EPHB6: variants seen among roughly 807,000 people sequenced by gnomAD.
EPHB6 encodes the protein ephrin type-B receptor 6.
A neutral mutation model predicts 107.0 loss-of-function variants in EPHB6; 51 were observed. The ratio of observed to expected loss-of-function variants is 0.48; its 90% confidence interval spans 0.38 to 0.60. EPHB6 has a LOEUF of 0.60. Ranked by LOEUF, EPHB6 falls within the 20% of genes least tolerant of loss-of-function variation. The pLI, the probability that EPHB6 is intolerant of heterozygous loss-of-function variation, is 0.00. For synonymous variants in EPHB6, 553 were observed against 549.0 expected (o/e 1.01, Z -0.10); for missense variants, 1,141 against 1,355.5 (o/e 0.84, Z 2.48).
chr7:142,865,150 G>A (rs547981137), intron 7 of EPHB6, among the ~76,000 whole-genome samples: 41 of 152,306 alleles, frequency 2.7e-4, no homozygotes, highest in Non-Finnish European at 4.7e-4. Context: ...GCAGTGGATG[G>A]CAGCTAGGGA....
rs1802938388 is a variant in EPHB6 at position 142,863,310 on chromosome 7, C to T, written c.83C>T (p.Ser28Leu). 6.2e-7 allele frequency: 1 copy of T among 1,613,650 alleles called. No homozygotes were observed. Among genetic ancestry groups the T allele is most frequent in the African/African-American group, 1.3e-5 (1 of 74,794 alleles). The change falls in exon 5 of 20, where the codon TCA becomes TTA. Residue 28 changes from serine to leucine, a missense_variant. Transcript: ENST00000652003. ...CTATGGGTGCTGCTCCTGGTGTCTT[C>T]AGTTCTGGCTCTGGAAGGTAAGAGG... ...CSLWVLLLVS[S>L]VLALEEVLLD...
At position 142,855,511 on chromosome 7, in the gene EPHB6, T is replaced by G. The variant is rs915128426; in HGVS notation, c.-432+126T>G. On this transcript the variant is annotated intron_variant, in intron 1 of 19. Coordinates refer to ENST00000652003, the MANE Select transcript of EPHB6 (RefSeq NM_004445.6). This position sits in a 1 kb window ranked among gnomAD's most constrained non-coding sequence, Gnocchi z 4.2. ...CCTAGGTGGCTTCCTGAGGGAGTACTGAGGATCCTTCCTCAAGGCCAGAGT... is the reference window on the plus strand; with the variant it reads ...CCTAGGTGGCTTCCTGAGGGAGTACGGAGGATCCTTCCTCAAGGCCAGAGT... 4 of 152,384 alleles carry G rather than the reference T, an allele frequency of 2.6e-5. No homozygotes were observed. The highest frequency in any genetic ancestry group is 2.4e-5 in the African/African-American group (1 of 41,444). The allele number at this position is 152,384 out of a possible 1,614,324, so 9.4% of individuals were successfully genotyped here.
intron 1 of EPHB6, among the ~76,000 whole-genome samples, chr7:142,859,138 C>T (rs1213260097): frequency 2.6e-5 from 1 of 38,452 alleles, no homozygotes; most frequent in African/African-American, 3.7e-5. Flanking sequence ...TTTCTAAATA[C>T]TGACCAGTTC....
chr7:142,866,075 G>A lies in EPHB6; in HGVS notation c.1221G>A (p.Val407=), dbSNP rs1186563081. The A allele has an allele frequency of 1.2e-6, 2 of 1,611,516 alleles. No individual in the cohort carries two copies. Among genetic ancestry groups the A allele is most frequent in the South Asian group, 1.1e-5 (1 of 90,704 alleles). Residue 407 remains valine, a synonymous_variant, in exon 9 of 20, where the codon GTG becomes GTA. Transcript: ENST00000652003. This position sits in a 1 kb window ranked among gnomAD's most constrained non-coding sequence, Gnocchi z 5.2. The stretch of plus-strand genomic sequence containing the variant: ...GAGGGGACCTGCTCTTCAATGTCGT[G>A]TGCAAGGAGTGTGAAGGCCGCCAGG... ...GGRGDLLFNV[V]CKECEGRQEP... is the part of the protein sequence containing the mutation.
rs774101812 is a variant in EPHB6 at position 142,864,368 on chromosome 7, C to A, written c.568C>A (p.Arg190=). 2 of 1,613,248 alleles carry A rather than the reference C, an allele frequency of 1.2e-6. No individual in the cohort carries two copies. The highest frequency in any genetic ancestry group is 1.1e-5 in the South Asian group (1 of 91,082). The change falls in exon 7 of 20, where the codon CGG becomes AGG. Residue 190 remains arginine (R), a synonymous_variant. Coordinates refer to ENST00000652003, the MANE Select transcript of EPHB6 (RefSeq NM_004445.6). ...WAVGPHGAGQ[R]AGLQLNVKER... The stretch of plus-strand genomic sequence containing the variant: ...TGTGGGACCCCACGGGGCTGGGCAG[C>A]GGGCTGGACTGCAACTGAACGTCAA...
Position 142,867,843 on chromosome 7 carries a change from G to A in EPHB6, c.1865+121G>A. 1 of 1,431,588 alleles carries A rather than the reference G, an allele frequency of 7.0e-7. No individual in the cohort carries two copies. 88.7% of individuals were successfully genotyped at this position (1,431,588 alleles called of 1,614,324 possible). ...ACACTGGTGCTCCTCCCGTCAGCCA[G>A]CCCCTGCCCTGGGCCCCACGTGGAG... On this transcript the variant is annotated intron_variant, in intron 12 of 19. Transcript: ENST00000652003. This position sits in a 1 kb window ranked among gnomAD's most constrained non-coding sequence, Gnocchi z 5.3.
chr7:142,870,464 AG>A, intron 18 of EPHB6, 57 bp downstream of exon 18: 2 of 1,613,906 alleles, frequency 1.2e-6, no homozygotes, highest in Non-Finnish European at 1.7e-6. Flanking sequence ...GCAAACCTAA[AG>A]AAAACTGAGG....
In EPHB6 at chr7:142,858,689, G is replaced by A. The variant is rs575643379; in HGVS notation, c.-431-2363G>A. ...TCTCGATCTCCTGATCTTGTGATCC[G>A]CCCACCTTGGCCTCCCAAAGTGAAA... On this transcript the variant is annotated intron_variant, in intron 1 of 19. Coordinates refer to ENST00000652003, the MANE Select transcript of EPHB6 (RefSeq NM_004445.6). 1.1e-4 allele frequency among the ~76,000 whole-genome samples: 17 copies of A among 148,884 alleles called. No homozygotes were observed. The South Asian group carries it at 2.5e-3, about 22-fold the overall frequency.
In EPHB6 at chr7:142,867,370, C is replaced by CTG. The variant is rs1268968689; in HGVS notation, c.1751-231_1751-230dup. ...GGGCGTGTGTGTGTGTTGTGTGTCC[C>CTG]TGTGTGTGGATGTGGAGGGCTGTGG... is the stretch of plus-strand genomic sequence containing the variant. On this transcript the variant is annotated intron_variant, in intron 11 of 19. Transcript: ENST00000652003. The surrounding 1 kb of genome is among the most constrained non-coding windows in gnomAD (Gnocchi z 5.3). 3.1e-6 allele frequency: 2 copies of CTG among 635,236 alleles called. No homozygotes were observed. The highest frequency in any genetic ancestry group is 2.2e-5 in the Admixed American group (1 of 45,032). The allele number at this position is 635,236 out of a possible 1,614,324, so 39.3% of individuals were successfully genotyped here.
At position 142,870,320 on chromosome 7, in the gene EPHB6, G is replaced by A. The variant is rs767616207; in HGVS notation, c.2717G>A (p.Arg906Gln). 6 of 1,614,198 alleles carry A rather than the reference G, an allele frequency of 3.7e-6. No individual in the cohort carries two copies. The highest frequency in any genetic ancestry group is 5.1e-6 in the Non-Finnish European group (6 of 1,180,042). The change falls in exon 18 of 20, where the codon CGG (arginine) becomes CAG (glutamine). Residue 906 changes from arginine to glutamine, a missense_variant. Arg to Gln is a conservative substitution (Grantham distance 43). Coordinates refer to ENST00000652003, the MANE Select transcript of EPHB6 (RefSeq NM_004445.6). ...LDTWQKDRAR[R>Q]PHFDQLVAAF... The stretch of plus-strand genomic sequence containing the variant: ...ACTTGGCAGAAGGACCGTGCCCGGC[G>A]GCCTCATTTTGACCAGCTGGTGGCT...
In EPHB6 at chr7:142,864,642, G is replaced by GC. The variant is rs145544148; in HGVS notation, c.849dup (p.Arg284GlnfsTer41). The stretch of plus-strand genomic sequence containing the variant: ...GGAGTAGGGGGCCAGGCAGGAGGCA[G>GC]CCCCCCCAGGCTGCACTGCAACGGG... On this transcript the variant is annotated frameshift_variant, in exon 7 of 20. Coordinates refer to ENST00000652003, the MANE Select transcript of EPHB6 (RefSeq NM_004445.6). LOFTEE classifies it high-confidence loss of function. 10 of 1,612,220 alleles carry GC rather than the reference G, an allele frequency of 6.2e-6. No homozygotes were observed. Among genetic ancestry groups the GC allele is most frequent in the African/African-American group, 1.3e-5 (1 of 75,006 alleles).
In EPHB6 at chr7:142,866,262, C is replaced by T. The variant is rs748375338; in HGVS notation, c.1408C>T (p.Leu470Phe). The change falls in exon 9 of 20, where the codon CTC becomes TTC. Residue 470 changes from leucine to phenylalanine, a missense_variant. Coordinates refer to ENST00000652003, the MANE Select transcript of EPHB6 (RefSeq NM_004445.6). The surrounding 1 kb of genome is among the most constrained non-coding windows in gnomAD (Gnocchi z 5.2). ...EVQAVNGVSE[L>F]SPDPPQAAAI... Reference sequence around the variant, plus strand: ...GCAGGCTGTTAATGGGGTGTCTGAGCTCAGCCCTGACCCTCCTCAGGCTGC... The same window carrying T: ...GCAGGCTGTTAATGGGGTGTCTGAGTTCAGCCCTGACCCTCCTCAGGCTGC... The T allele has an allele frequency of 1.3e-5, 21 of 1,613,950 alleles. No individual in the cohort carries two copies. In the East Asian group the frequency reaches 4.5e-4, roughly 34 times the overall value.
rs754149798 is a variant in EPHB6, at chr7:142,869,792, A to G, written c.2461-25A>G. 6.2e-7 allele frequency: 1 copy of G among 1,613,828 alleles called. No individual in the cohort carries two copies. Among genetic ancestry groups the G allele is most frequent in the South Asian group, 1.1e-5 (1 of 90,988 alleles). On this transcript the variant is annotated intron_variant, in intron 16 of 19. Coordinates refer to ENST00000652003, the MANE Select transcript of EPHB6 (RefSeq NM_004445.6). The surrounding 1 kb of genome is among the most constrained non-coding windows in gnomAD (Gnocchi z 4.5). The stretch of plus-strand genomic sequence containing the variant: ...CGTGACTATTACTATGATTATTACT[A>G]TTTGCTTTTGACTTTACCCCTCAGG...
Position 142,864,578 on chromosome 7 carries a change from G to A in EPHB6, c.778G>A (p.Val260Met), listed in dbSNP as rs1232997179. Reference sequence around the variant, plus strand: ...TGGGGGGGCCTCCCTGGTGGCAGCTGTGGGCACCTGTGTGGCTCATGCAGA... The same window carrying A: ...TGGGGGGGCCTCCCTGGTGGCAGCTATGGGCACCTGTGTGGCTCATGCAGA... ...GAGGASLVAA[V>M]GTCVAHAEPE... Residue 260 changes from valine to methionine, a missense_variant, in exon 7 of 20, where the codon GTG becomes ATG. Physicochemically the swap from Val to Met is conservative, Grantham distance 21 (BLOSUM62 1). Transcript: ENST00000652003. 1.2e-6 allele frequency: 2 copies of A among 1,612,936 alleles called. No individual in the cohort carries two copies.
rs1256456670 is a variant in EPHB6 at position 142,870,397 on chromosome 7, C to T, written c.2794C>T (p.Pro932Ser). The T allele has an allele frequency of 6.2e-7, 1 of 1,613,948 alleles. No individual in the cohort carries two copies. The highest frequency in any genetic ancestry group is 8.5e-7 in the Non-Finnish European group (1 of 1,180,038). Residue 932 changes from proline to serine, a missense_variant, in exon 18 of 20, where the codon CCA becomes TCA. Pro to Ser is a moderately conservative substitution (Grantham distance 74). Coordinates refer to ENST00000652003, the MANE Select transcript of EPHB6 (RefSeq NM_004445.6). ...AGATACCCTGCAGGCTGGCGGGGAC[C>T]CAGGGGAAAGGTCTGGAGCTTGGGG... The part of the protein sequence containing the change: ...KPDTLQAGGD[P>S]GERPSQALLT...
At position 142,870,511 on chromosome 7, in the gene EPHB6, C is replaced by A. The variant is rs375245502; in HGVS notation, c.2805-19C>A. On this transcript the variant is annotated intron_variant, in intron 18 of 19. Transcript: ENST00000652003. ...AGATGAAGAGGAGACCTTGACCCTG[C>A]TTGCCCCTCCCCTCTTAGGCCTTCC... is the stretch of plus-strand genomic sequence containing the variant. The A allele has an allele frequency of 1.5e-4, 247 of 1,614,018 alleles. No homozygotes were observed. The highest frequency in any genetic ancestry group is 2.0e-4 in the Non-Finnish European group (235 of 1,180,054).
Position 142,863,296 on chromosome 7 carries a change from G to A in EPHB6, c.69G>A (p.Leu23=), listed in dbSNP as rs761009856. 6 of 1,613,958 alleles carry A rather than the reference G, an allele frequency of 3.7e-6. No individual in the cohort carries two copies. The Admixed American group carries it at 5.0e-5, about 13-fold the overall frequency. ...VAGMVCSLWV[L]LLVSSVLALE... The stretch of plus-strand genomic sequence containing the variant: ...GCATGGTGTGTAGCCTATGGGTGCT[G>A]CTCCTGGTGTCTTCAGTTCTGGCTC... Residue 23 remains leucine, a synonymous_variant, in exon 5 of 20, where the codon CTG becomes CTA. Transcript: ENST00000652003.
At chr7:142,865,668 T>C (rs1803118808) in intron 8 of EPHB6, 38 bp downstream of exon 8, 4 of 1,608,458 alleles carry the variant, frequency 2.5e-6, no homozygotes, top group Non-Finnish European at 3.4e-6. Flanking sequence ...GGAAAGAGAC[T>C]TGGAGAGGGG....
chr7:142,869,154 G>A lies in EPHB6; in HGVS notation c.2460+7G>A. 6.2e-7 allele frequency: 1 copy of A among 1,611,746 alleles called. No individual in the cohort carries two copies. The highest frequency in any genetic ancestry group is 8.5e-7 in the Non-Finnish European group (1 of 1,179,088). On this transcript the variant is annotated splice_region_variant and intron_variant, in intron 16 of 19. Transcript: ENST00000652003. This position sits in a 1 kb window ranked among gnomAD's most constrained non-coding sequence, Gnocchi z 4.5. ...TCTTGGCCACAGTCCTCAGGTGAGA[G>A]CACAGCCTTGGGGACACAGCCTGGG...
Sources: allele counts gnomAD v4.1 joint callset (sites outside exome capture counted in the v4.1 genomes callset), GRCh38; gene constraint gnomAD v4.1.1; non-coding constraint Gnocchi (gnomAD v3.1); transcripts MANE v1.5; gene names NCBI Gene and HGNC (gene_info 2026-07-23, HGNC 2026-07-21).